RIOK3: variants seen among roughly 807,000 people sequenced by gnomAD.
RIOK3 encodes the protein RIO kinase 3, also known as serine/threonine-protein kinase RIO3.
Under a neutral mutation model 63.5 loss-of-function variants are expected in RIOK3, and 40 were observed. The observed-to-expected ratio is 0.63, with a 90% CI of 0.49 to 0.82. The LOEUF is 0.82. RIOK3 is among the 40% of genes least tolerant of loss of function. RIOK3 has a pLI of 0.00. For missense variants in RIOK3, 557 were observed against 637.0 expected (o/e 0.87, Z 1.35); for synonymous variants, 193 against 205.0 (o/e 0.94, Z 0.50).
chr18:23,458,712 A>G (rs553207340), intron 1 of RIOK3, among the ~76,000 whole-genome samples: 1 of 152,326 alleles, frequency 6.6e-6, no homozygotes, highest in East Asian at 1.9e-4. Context: ...ATTCCCTTAT[A>G]TACAACCTAT....
intron 1 of RIOK3, among the ~76,000 whole-genome samples, chr18:23,454,872 CTT>C: frequency 6.6e-6 from 1 of 152,284 alleles, no homozygotes; most frequent in South Asian, 2.1e-4. Context: ...ATCATTAATC[CTT>C]TTTTTCTCTA....
intron 1 of RIOK3, among the ~76,000 whole-genome samples, chr18:23,459,658 G>C (rs926675665): frequency 6.6e-6 from 1 of 152,082 alleles, no homozygotes; most frequent in African/African-American, 2.4e-5. Context: ...GGCATGCAGC[G>C]GGGAAAGTAT....
chr18:23,458,493 A>T (rs966144985), intron 1 of RIOK3, among the ~76,000 whole-genome samples: 39 of 152,200 alleles, frequency 2.6e-4, no homozygotes, highest in Admixed American at 1.4e-3. Flanking sequence ...AGCTTGATGG[A>T]TGTCCTTTGA....
intron 12 of RIOK3, among the ~76,000 whole-genome samples, 170 bp from the exon 13 acceptor site, chr18:23,481,002 C>T (rs980624447): frequency 6.6e-6 from 1 of 152,140 alleles, no homozygotes; most frequent in Non-Finnish European, 1.5e-5. Context: ...ATTGCTTGAA[C>T]CCAGGAGGCA....
In RIOK3 at chr18:23,467,548, C is replaced by T. The variant is rs771705104; in HGVS notation, c.815+22C>T. 5 of 1,604,136 alleles carry T rather than the reference C, an allele frequency of 3.1e-6. No homozygotes were observed. The South Asian group carries it at 5.6e-5, about 18-fold the overall frequency. On this transcript the variant is annotated intron_variant, in intron 7 of 12. Transcript: ENST00000339486. ...GGAGGTAAATGAGCAAAATATGATA[C>T]CATGATATGAAAACTTAGTCTCTTC...
chr18:23,464,511 G>A lies in RIOK3; in HGVS notation c.434-8G>A, dbSNP rs756721706. On this transcript the variant is annotated splice_region_variant and splice_polypyrimidine_tract_variant and intron_variant, in intron 4 of 12. Coordinates refer to ENST00000339486, the MANE Select transcript of RIOK3 (RefSeq NM_003831.5). Reference sequence around the variant, plus strand: ...TTTATATACCTGGCTTATTTCAATTGCCTTTAGCAAAACCGGTTCCCACTC... The same window carrying A: ...TTTATATACCTGGCTTATTTCAATTACCTTTAGCAAAACCGGTTCCCACTC... 12 of 1,568,298 alleles carry A rather than the reference G, an allele frequency of 7.7e-6. No individual in the cohort carries two copies. In the East Asian group the frequency reaches 2.0e-4, roughly 27 times the overall value.
chr18:23,463,092 C>T lies in RIOK3; in HGVS notation c.179+13C>T. The stretch of plus-strand genomic sequence containing the variant: ...TTCCTGAAGTTGCGTAAGTAAAATT[C>T]ACAAATACTTTATCTAGCAACTTAT... On this transcript the variant is annotated intron_variant, in intron 2 of 12. Transcript: ENST00000339486. 6.6e-7 allele frequency: 1 copy of T among 1,510,056 alleles called. No individual in the cohort carries two copies. Among genetic ancestry groups the T allele is most frequent in the Non-Finnish European group, 9.1e-7 (1 of 1,093,406 alleles). The allele number at this position is 1,510,056 out of a possible 1,614,324, so 93.5% of individuals were successfully genotyped here.
Position 23,467,432 on chromosome 18 carries a change from A to G in RIOK3, c.721A>G (p.Met241Val). The G allele has an allele frequency of 6.2e-7, 1 of 1,613,258 alleles. No homozygotes were observed. The highest frequency in any genetic ancestry group is 8.5e-7 in the Non-Finnish European group (1 of 1,179,374). ...KAVDPKTRLLMYKMVNSGMLE... is the reference protein window; with the variant it reads ...KAVDPKTRLLVYKMVNSGMLE... Reference sequence around the variant, plus strand: ...AGTTGATCCTAAGACACGTTTACTTATGTATAAAATGGTCAACTCTGGAAT... The same window carrying G: ...AGTTGATCCTAAGACACGTTTACTTGTGTATAAAATGGTCAACTCTGGAAT... The change falls in exon 7 of 13, where the codon ATG becomes GTG. Residue 241 changes from methionine to valine, a missense_variant. Transcript: ENST00000339486.
chr18:23,460,936 T>C (rs79794867), intron 1 of RIOK3, among the ~76,000 whole-genome samples: 9,299 of 152,340 alleles, frequency 0.061, 396 homozygotes, highest in Non-Finnish European at 0.092. Flanking sequence ...CTCCCAAGTC[T>C]GGCCTTACAG....
intron 6 of RIOK3, among the ~76,000 whole-genome samples, 156 bp downstream of exon 6, chr18:23,466,432 C>T (rs2057408503): frequency 6.6e-6 from 1 of 151,934 alleles, no homozygotes; most frequent in Non-Finnish European, 1.5e-5. Flanking sequence ...GTGGTGCCCG[C>T]CTGTAATCCC....
In RIOK3 at chr18:23,475,089, C is replaced by G; in HGVS notation, c.1155C>G (p.Ala385=). 6.2e-7 allele frequency: 1 copy of G among 1,611,618 alleles called. No individual in the cohort carries two copies. Among genetic ancestry groups the G allele is most frequent in the Non-Finnish European group, 8.5e-7 (1 of 1,178,814 alleles). Residue 385 remains alanine (A), a synonymous_variant, in exon 9 of 13, where the codon GCC becomes GCG. Transcript: ENST00000339486. ...TCAATAGTGAAGAAATGAAAGAAGCCTACTATCAAACTCTTCATGTAAGTT... is the reference window on the plus strand; with the variant it reads ...TCAATAGTGAAGAAATGAAAGAAGCGTACTATCAAACTCTTCATGTAAGTT... ...VKLNSEEMKE[A]YYQTLHLMRQ...
chr18:23,477,563 A>T (rs1197074898), intron 11 of RIOK3, among the ~76,000 whole-genome samples: 1 of 151,958 alleles, frequency 6.6e-6, no homozygotes, highest in Non-Finnish European at 1.5e-5. Flanking sequence ...CAGAGGTTCA[A>T]GACCAGCCTG....
intron 12 of RIOK3, among the ~76,000 whole-genome samples, chr18:23,480,082 A>T (rs1482417357): frequency 2.0e-5 from 3 of 152,204 alleles, no homozygotes; most frequent in Admixed American, 2.0e-4. Flanking sequence ...AGAAAGTTAG[A>T]AGTGCCTATC....
At chr18:23,453,756 G>A (rs2057320133) in intron 1 of RIOK3, among the ~76,000 whole-genome samples, 1 of 152,198 alleles carries the variant, frequency 6.6e-6, no homozygotes, top group Non-Finnish European at 1.5e-5. Context: ...CGTACTTTCT[G>A]TATCACCGTA....
intron 7 of RIOK3, among the ~76,000 whole-genome samples, chr18:23,468,780 A>G (rs2057428091): frequency 6.6e-6 from 1 of 152,240 alleles, no homozygotes; most frequent in South Asian, 2.1e-4. Context: ...ATAAATTGCC[A>G]CAGACTTAGC....
At chr18:23,467,702 C>G (rs1259197741) in intron 7 of RIOK3, 176 bp downstream of exon 7, 1 of 386,302 alleles carries the variant, frequency 2.6e-6, no homozygotes, top group African/African-American at 2.1e-5. Context: ...CATCCTAATA[C>G]CACCACCCAG....
chr18:23,476,529 G>C (rs1317643185), intron 9 of RIOK3, among the ~76,000 whole-genome samples: 1 of 152,114 alleles, frequency 6.6e-6, no homozygotes, highest in South Asian at 2.1e-4. Flanking sequence ...GGGGTGGCTG[G>C]GGAAGAGATT....
intron 12 of RIOK3, among the ~76,000 whole-genome samples, chr18:23,480,841 C>G (rs1023456354): frequency 6.6e-6 from 1 of 152,124 alleles, no homozygotes. Context: ...AATCCTAGCA[C>G]TCTGAGAGGC....
chr18:23,475,313 A>G (rs1235256044), intron 9 of RIOK3, among the ~76,000 whole-genome samples: 1 of 151,964 alleles, frequency 6.6e-6, no homozygotes, highest in African/African-American at 2.4e-5. Flanking sequence ...TACTAAAAAT[A>G]CAAAAAAATT....
Sources: allele counts gnomAD v4.1 joint callset (sites outside exome capture counted in the v4.1 genomes callset), GRCh38; gene constraint gnomAD v4.1.1; transcripts MANE v1.5; gene names NCBI Gene and HGNC (gene_info 2026-07-23, HGNC 2026-07-21).